Variants in ZNF469 observed in about 807,000 individuals in gnomAD.
ZNF469 encodes zinc finger protein 469.
ZNF469 carries 1 observed loss-of-function variant against 1.0 expected under a neutral mutation model. The ratio of observed to expected loss-of-function variants is 1.00; its 90% CI spans 0.35 to 4.73. The LOEUF (loss-of-function observed/expected upper bound fraction) is 4.73, where lower values mean the gene tolerates loss of function less well. Among genes scored for constraint, ZNF469 ranks in the 30% most tolerant of loss-of-function variants. ZNF469 has a pLI of 0.16. For synonymous variants in ZNF469, 2,703 were observed against 2,363.4 expected (o/e 1.14, Z -4.17); for missense variants, 6,100 against 5,356.3 (o/e 1.14, Z -4.33).
upstream of ZNF469, among the ~76,000 whole-genome samples, chr16:88,382,512 C>T (rs925647233): frequency 1.3e-5 from 2 of 152,172 alleles, no homozygotes; most frequent in Non-Finnish European, 2.9e-5. Flanking sequence ...GCCATGGGGA[C>T]CTCCTTATGG....
the ZNF469 span, among the ~76,000 whole-genome samples, chr16:88,350,919 G>A: frequency 1.3e-5 from 2 of 152,350 alleles, no homozygotes; most frequent in African/African-American, 2.4e-5. Flanking sequence ...CCTGATGTTC[G>A]TGGAAGCAGT....
chr16:88,178,147 C>G, the ZNF469 span: 1 of 152,362 alleles, frequency 6.6e-6, no homozygotes, highest in South Asian at 2.1e-4. Context: ...CTGCTGAGAG[C>G]AGGCCATGGC....
chr16:88,370,569 G>C, the ZNF469 span, among the ~76,000 whole-genome samples: 1 of 152,260 alleles, frequency 6.6e-6, no homozygotes, highest in South Asian at 2.1e-4. Flanking sequence ...TAGACGTTCC[G>C]TGTGACTGGG....
the ZNF469 span, among the ~76,000 whole-genome samples, chr16:88,171,474 G>GT: frequency 1.3e-5 from 2 of 152,202 alleles, no homozygotes; most frequent in Non-Finnish European, 2.9e-5. Flanking sequence ...TCCTGAAGCA[G>GT]GAACCCTACC....
At chr16:88,321,769 T>G in the ZNF469 span, among the ~76,000 whole-genome samples, 121 of 152,352 alleles carry the variant, frequency 7.9e-4, no homozygotes, top group African/African-American at 2.5e-3. Flanking sequence ...CCTGTTTGGA[T>G]GCAGCCCTCG....
the ZNF469 span, among the ~76,000 whole-genome samples, chr16:88,291,684 G>A: frequency 6.6e-6 from 1 of 151,934 alleles, no homozygotes; most frequent in African/African-American, 2.4e-5. Context: ...CCTTGAGGGA[G>A]CCCCGTGCGG....
the ZNF469 span, among the ~76,000 whole-genome samples, chr16:88,172,954 CAG>C: frequency 1.3e-5 from 2 of 152,192 alleles, no homozygotes; most frequent in Admixed American, 1.3e-4. Flanking sequence ...AAAACAAAAA[CAG>C]GACACTGGTG....
the ZNF469 span, among the ~76,000 whole-genome samples, chr16:88,120,535 G>A: frequency 8.7e-4 from 133 of 152,360 alleles, 1 homozygote; most frequent in Middle Eastern, 6.8e-3. Flanking sequence ...GCAGTTGCAG[G>A]CGGCCGGATG....
chr16:88,132,863 A>C, the ZNF469 span, among the ~76,000 whole-genome samples: 1 of 152,166 alleles, frequency 6.6e-6, no homozygotes, highest in South Asian at 2.1e-4. Flanking sequence ...ATTTGGACAT[A>C]AACAGGTCAG....
At chr16:88,176,363 G>GA in the ZNF469 span, among the ~76,000 whole-genome samples, 10 of 150,026 alleles carry the variant, frequency 6.7e-5, no homozygotes, top group African/African-American at 2.5e-4. Flanking sequence ...GCAGTGCAGA[G>GA]AACATGATGG....
chr16:88,430,406 G>C lies in ZNF469; in HGVS notation c.2936G>C (p.Arg979Thr). Residue 979 changes from arginine to threonine, a missense_variant, in exon 3 of 3, where the codon AGG becomes ACG. Physicochemically the swap from Arg to Thr is moderately conservative, Grantham distance 71. Transcript: ENST00000565624. ...SGGGGRASGLRPRRNDGLGER... is the reference protein window; with the variant it reads ...SGGGGRASGLTPRRNDGLGER... ...GGCGGCGGCAGAGCCTCCGGCCTGA[G>C]GCCCCGGAGGAACGACGGTCTCGGG... 6.6e-7 allele frequency: 1 copy of C among 1,520,594 alleles called. No individual in the cohort carries two copies. The highest frequency in any genetic ancestry group is 8.8e-7 in the Non-Finnish European group (1 of 1,138,448). The allele number at this position is 1,520,594 out of a possible 1,614,324, so 94.2% of individuals were successfully genotyped here.
the ZNF469 span, among the ~76,000 whole-genome samples, chr16:88,260,544 A>G: frequency 6.6e-6 from 1 of 152,150 alleles, no homozygotes; most frequent in Non-Finnish European, 1.5e-5. The surrounding 1 kb of genome is among the most constrained non-coding windows in gnomAD (Gnocchi z 4.1). Flanking sequence ...ACAAATTTTG[A>G]GAAATTGGCT....
rs1374518199 is a variant in ZNF469, at chr16:88,438,385, C to T, written c.10915C>T (p.Gln3639Ter). The change falls in exon 3 of 3, where the codon CAG (glutamine) becomes TAG (stop). Residue 3639 changes from glutamine to a stop codon, truncating the protein, a stop_gained. Transcript: ENST00000565624. LOFTEE classifies it low-confidence loss of function (END_TRUNC). ...TGGCAGGTGTGCCCCTGACCATTTC[C>T]AGGAAGACCACCTACTTCAGAAAGA... ...ARGRCAPDHF[Q>*]EDHLLQKEKE... The T allele has an allele frequency of 1.3e-6, 2 of 1,550,182 alleles. No individual in the cohort carries two copies. Among genetic ancestry groups the T allele is most frequent in the Admixed American group, 3.9e-5 (2 of 51,010 alleles).
chr16:88,241,203 A>C, the ZNF469 span, among the ~76,000 whole-genome samples: 1 of 152,110 alleles, frequency 6.6e-6, no homozygotes, highest in East Asian at 1.9e-4. This position sits in a 1 kb window ranked among gnomAD's most constrained non-coding sequence, Gnocchi z 4.8. Context: ...CCCTGTCTCT[A>C]CTAAAATTAG....
the ZNF469 span, among the ~76,000 whole-genome samples, chr16:88,231,907 G>C: frequency 6.6e-6 from 1 of 152,220 alleles, no homozygotes; most frequent in Admixed American, 6.5e-5. The surrounding 1 kb of genome is among the most constrained non-coding windows in gnomAD (Gnocchi z 4.5). Flanking sequence ...TAACAGTAAA[G>C]TCTGAAGGTG....
the ZNF469 span, among the ~76,000 whole-genome samples, chr16:88,317,604 G>A: frequency 6.6e-6 from 1 of 152,200 alleles, no homozygotes; most frequent in Non-Finnish European, 1.5e-5. Context: ...GGGGTTGAGG[G>A]GCAGTGCCCG....
chr16:88,229,444 T>C, the ZNF469 span, among the ~76,000 whole-genome samples: 2 of 152,240 alleles, frequency 1.3e-5, no homozygotes, highest in Admixed American at 1.3e-4. Context: ...GGCAGCTTGT[T>C]TTCCGTTCCT....
chr16:88,336,254 A>G, the ZNF469 span, among the ~76,000 whole-genome samples: 5 of 149,812 alleles, frequency 3.3e-5, no homozygotes, highest in Non-Finnish European at 5.9e-5. Context: ...TGATGCGCCA[A>G]TACCACACAT....
At chr16:88,321,301 T>G in the ZNF469 span, among the ~76,000 whole-genome samples, 5 of 152,364 alleles carry the variant, frequency 3.3e-5, no homozygotes, top group African/African-American at 1.2e-4. Flanking sequence ...TCAGGCAGAA[T>G]CCACCATCCC....
Sources: gnomAD v4.1 joint callset for allele counts (sites outside exome capture counted in the v4.1 genomes callset) on GRCh38, gnomAD v4.1.1 for gene constraint, Gnocchi (gnomAD v3.1) non-coding constraint, MANE v1.5 for transcripts, NCBI Gene and HGNC (gene_info 2026-07-23, HGNC 2026-07-21) for gene names.